Variants in NCOA7 observed in about 807,000 individuals in gnomAD.
NCOA7 encodes the protein 140 kDa estrogen receptor-associated protein.
A neutral mutation model predicts 104.3 loss-of-function variants in NCOA7; 45 were observed. The observed-to-expected ratio is 0.43, with a 90% CI of 0.34 to 0.55. The LOEUF (loss-of-function observed/expected upper bound fraction) is 0.55, where lower values mean the gene tolerates loss of function less well. NCOA7 is among the 20% of genes least tolerant of loss of function. The pLI is 0.02. For missense variants in NCOA7, 1,041 were observed against 1,119.7 expected, an observed-to-expected ratio of 0.93 and a Z score of 1.00; for synonymous variants, 398 against 402.3, an observed-to-expected ratio of 0.99 and a Z score of 0.13.
intron 2 of NCOA7, among the ~76,000 whole-genome samples, chr6:125,843,059 C>G (rs1780305703): frequency 6.6e-6 from 1 of 152,250 alleles, no homozygotes; most frequent in South Asian, 2.1e-4. Flanking sequence ...CCAAAGATAG[C>G]CAGTTCCTAA....
intron 11 of NCOA7, 80 bp downstream of exon 11, chr6:125,915,560 GC>G (rs1786995113): frequency 1.3e-6 from 2 of 1,553,778 alleles, no homozygotes; most frequent in African/African-American, 2.7e-5. Flanking sequence ...CATGTAACAG[GC>G]TGGTAAGAAA....
chr6:125,857,444 T>A (rs868865629), intron 3 of NCOA7, among the ~76,000 whole-genome samples: 397 of 141,134 alleles, frequency 2.8e-3, no homozygotes, highest in African/African-American at 9.9e-3. Context: ...TATATATATT[T>A]TTTTTTTTAA....
chr6:125,800,126 A>G (rs1477242669), intron 1 of NCOA7, among the ~76,000 whole-genome samples: 2 of 152,244 alleles, frequency 1.3e-5, no homozygotes, highest in Non-Finnish European at 1.5e-5. Context: ...TGCAAAGACA[A>G]CACTATCAAT....
At chr6:125,859,609 C>G (rs777298197) in intron 3 of NCOA7, among the ~76,000 whole-genome samples, 1 of 151,930 alleles carries the variant, frequency 6.6e-6, no homozygotes, top group African/African-American at 2.4e-5. Context: ...TATTAATAAT[C>G]AGAAAATAGA....
upstream of NCOA7, chr6:125,790,739 G>C (rs1774748350): frequency 6.6e-6 from 1 of 152,198 alleles, no homozygotes; most frequent in African/African-American, 2.4e-5. Flanking sequence ...GCCTTCAGCC[G>C]GGCCCGGGAC....
chr6:125,830,751 G>GTGTGTA (rs1554264628), intron 2 of NCOA7, among the ~76,000 whole-genome samples: 1 of 148,418 alleles, frequency 6.7e-6, no homozygotes, highest in African/African-American at 2.5e-5. Context: ...GTGTGTGTGT[G>GTGTGTA]TGTGTGTGTA....
chr6:125,787,024 G>C (rs1286144972), upstream of NCOA7, among the ~76,000 whole-genome samples: 1 of 151,724 alleles, frequency 6.6e-6, no homozygotes, highest in African/African-American at 2.4e-5. Context: ...GTACATGACT[G>C]TAGTCCCAGC....
intron 2 of NCOA7, among the ~76,000 whole-genome samples, chr6:125,843,202 A>T (rs1175872578): frequency 6.6e-6 from 1 of 152,180 alleles, no homozygotes; most frequent in South Asian, 2.1e-4. Context: ...TCCATATAAG[A>T]GGGAGGTTTG....
chr6:125,848,602 A>C (rs186345333), intron 2 of NCOA7, among the ~76,000 whole-genome samples: 145 of 152,264 alleles, frequency 9.5e-4, no homozygotes, highest in African/African-American at 3.2e-3. Context: ...TTGAACGATG[A>C]GAACACTTGG....
At chr6:125,849,915 T>A (rs1202710430) in intron 2 of NCOA7, among the ~76,000 whole-genome samples, 1 of 152,212 alleles carries the variant, frequency 6.6e-6, no homozygotes, top group Non-Finnish European at 1.5e-5. Context: ...GTCCACAGTA[T>A]AAAATCAGTC....
chr6:125,888,248 C>T (rs904850888), intron 8 of NCOA7, among the ~76,000 whole-genome samples: 1 of 152,154 alleles, frequency 6.6e-6, no homozygotes, highest in African/African-American at 2.4e-5. Flanking sequence ...AAGTACTATA[C>T]ATAAGAGCTT....
intron 10 of NCOA7, among the ~76,000 whole-genome samples, chr6:125,895,832 G>C (rs1181498173): frequency 6.6e-6 from 1 of 151,790 alleles, no homozygotes; most frequent in Admixed American, 6.6e-5. Flanking sequence ...AGCAATGAGG[G>C]ATCTGCCCCC....
intron 13 of NCOA7, among the ~76,000 whole-genome samples, chr6:125,925,014 T>C (rs1787908848): frequency 6.6e-6 from 1 of 152,182 alleles, no homozygotes; most frequent in African/African-American, 2.4e-5. Context: ...ACGGTAGGCA[T>C]GGCAGGCTGA....
At chr6:125,804,080 G>T (rs1463395205) in intron 1 of NCOA7, among the ~76,000 whole-genome samples, 1 of 152,078 alleles carries the variant, frequency 6.6e-6, no homozygotes, top group Non-Finnish European at 1.5e-5. Flanking sequence ...TCTCTGCAAG[G>T]ATTTGGATAA....
intron 3 of NCOA7, among the ~76,000 whole-genome samples, chr6:125,865,147 G>A (rs999633055): frequency 7.2e-6 from 1 of 138,530 alleles, no homozygotes; most frequent in Non-Finnish European, 1.5e-5. Flanking sequence ...GAGAAGCTGA[G>A]TAACTGGCCA....
intron 1 of NCOA7, among the ~76,000 whole-genome samples, chr6:125,805,073 T>C (rs2128557321): frequency 6.7e-6 from 1 of 150,346 alleles, no homozygotes; most frequent in Admixed American, 6.6e-5. Context: ...TAAAGCTGGG[T>C]TCACCCTCTT....
chr6:125,900,949 A>G (rs151170829), intron 10 of NCOA7, among the ~76,000 whole-genome samples: 75 of 152,308 alleles, frequency 4.9e-4, no homozygotes, highest in African/African-American at 1.7e-3. Context: ...TTAGGACTGG[A>G]TTTTTAAAGG....
At chr6:125,903,913 G>C (rs1008224710) in intron 10 of NCOA7, among the ~76,000 whole-genome samples, 6 of 151,946 alleles carry the variant, frequency 3.9e-5, no homozygotes, top group African/African-American at 1.2e-4. Context: ...TCACCATATT[G>C]GACAGGCTGG....
At chr6:125,893,099 A>C (rs2128662515) in intron 10 of NCOA7, among the ~76,000 whole-genome samples, 1 of 152,330 alleles carries the variant, frequency 6.6e-6, no homozygotes, top group African/African-American at 2.4e-5. Context: ...AGGGGGAGCT[A>C]AGAAGTGGCA....
Sources: gnomAD v4.1 joint callset for allele counts (sites outside exome capture counted in the v4.1 genomes callset) on GRCh38, gnomAD v4.1.1 for gene constraint, MANE v1.5 for transcripts, NCBI Gene and HGNC (gene_info 2026-07-23, HGNC 2026-07-21) for gene names.